Variants in JAK2 observed in about 807,000 individuals in gnomAD.
JAK2 encodes the protein tyrosine-protein kinase JAK2.
In JAK2, 86 loss-of-function variants were observed where a neutral mutation model predicts 139.3. That is an observed-to-expected ratio of 0.62 (90% confidence interval 0.52 to 0.74). The LOEUF (loss-of-function observed/expected upper bound fraction) is 0.74, where lower values mean the gene tolerates loss of function less well. Among genes scored for constraint, JAK2 ranks in the 30% least tolerant of loss-of-function variants. The pLI is 0.00. For missense variants in JAK2, 1,421 were observed against 1,360.3 expected (o/e 1.04, Z -0.70); for synonymous variants, 490 against 437.7 (o/e 1.12, Z -1.49).
At chr9:5,069,475 C>G (rs1446251017) in intron 11 of JAK2, among the ~76,000 whole-genome samples, 2 of 152,012 alleles carry the variant, frequency 1.3e-5, no homozygotes, top group Non-Finnish European at 2.9e-5. Flanking sequence ...TGGAAGATCT[C>G]ACTACTAAAT....
rs1264054582 is a variant in JAK2 at position 5,128,819 on chromosome 9, G to GGTAA, written c.*2033_*2036dup. On this transcript the variant is annotated 3_prime_UTR_variant, in exon 25 of 25. Coordinates refer to ENST00000381652, the MANE Select transcript of JAK2 (RefSeq NM_004972.4). ...TTAAGTTGGTTCTGTACAAGAAACA[G>GGTAA]GTAAGTAATTATTGTACCAGTTAAT... Among the ~76,000 whole-genome samples, 3 of 151,860 alleles carry GGTAA rather than the reference G, an allele frequency of 2.0e-5. No homozygotes were observed. The highest frequency in any genetic ancestry group is 4.4e-5 in the Non-Finnish European group (3 of 67,828).
chr9:4,992,237 TG>T (rs946848763), intron 2 of JAK2, among the ~76,000 whole-genome samples: 1 of 152,194 alleles, frequency 6.6e-6, no homozygotes, highest in African/African-American at 2.4e-5. Context: ...ACATGTGGCC[TG>T]GATTTCCTCA....
chr9:5,041,311 C>A, intron 4 of JAK2: 1 of 789,170 alleles, frequency 1.3e-6, no homozygotes, highest in Non-Finnish European at 2.1e-6. Flanking sequence ...AGAAGCACAT[C>A]CCGTGCAGCC....
chr9:5,041,777 G>A (rs998634982), intron 4 of JAK2: 10 of 488,000 alleles, frequency 2.0e-5, no homozygotes, highest in Non-Finnish European at 3.7e-5. Flanking sequence ...TGCCCTCCCA[G>A]CCTCAGCTTC....
intron 2 of JAK2, among the ~76,000 whole-genome samples, chr9:4,993,252 G>T (rs1003393590): frequency 1.3e-5 from 2 of 152,114 alleles, no homozygotes; most frequent in African/African-American, 4.8e-5. Flanking sequence ...ATAATATTTC[G>T]TCTGAAAGGA....
At chr9:5,119,595 A>G (rs1337728187) in intron 22 of JAK2, among the ~76,000 whole-genome samples, 3 of 152,188 alleles carry the variant, frequency 2.0e-5, no homozygotes, top group African/African-American at 4.8e-5. Context: ...TTAATTTGCA[A>G]TAAATAATAC....
At chr9:5,063,058 A>C (rs1281818279) in intron 8 of JAK2, among the ~76,000 whole-genome samples, 1 of 152,076 alleles carries the variant, frequency 6.6e-6, no homozygotes, top group Non-Finnish European at 1.5e-5. Context: ...GTGTTAGCTA[A>C]ATACCTTTTA....
Position 5,054,765 on chromosome 9 carries a change from A to G in JAK2, c.817A>G (p.Lys273Glu). Residue 273 changes from lysine to glutamate, a missense_variant, in exon 7 of 25, where the codon AAA (lysine) becomes GAA (glutamate). Physicochemically the swap from Lys to Glu is moderately conservative, Grantham distance 56. Transcript: ENST00000381652. The surrounding 1 kb of genome is among the most constrained non-coding windows in gnomAD (Gnocchi z 4.9). ...CTTCTACACAGAGAAATTTGAAGTA[A>G]AAGAACCTGGAAGTGGTCCTTCAGG... ...SAFYTEKFEV[K>E]EPGSGPSGEE... is the part of the protein sequence containing the mutation. 1 of 1,613,286 alleles carries G rather than the reference A, an allele frequency of 6.2e-7. No individual in the cohort carries two copies. The highest frequency in any genetic ancestry group is 8.5e-7 in the Non-Finnish European group (1 of 1,179,370).
intron 22 of JAK2, among the ~76,000 whole-genome samples, chr9:5,119,161 C>G (rs1193885756): frequency 6.6e-6 from 1 of 152,064 alleles, no homozygotes; most frequent in Non-Finnish European, 1.5e-5. Context: ...TTCATACAAC[C>G]CATTTGGTAA....
intron 14 of JAK2, among the ~76,000 whole-genome samples, chr9:5,076,852 T>C: frequency 6.6e-6 from 1 of 152,202 alleles, no homozygotes; most frequent in African/African-American, 2.4e-5. Context: ...TATGGAGGTA[T>C]CTGAGAGGCT....
At chr9:5,003,193 G>C (rs916875556) in intron 2 of JAK2, among the ~76,000 whole-genome samples, 1 of 151,726 alleles carries the variant, frequency 6.6e-6, no homozygotes, top group African/African-American at 2.4e-5. Flanking sequence ...GATTGTTTTG[G>C]CTATTGTAAA....
rs746150275 is a variant in JAK2, at chr9:5,072,494, T to C, written c.1644T>C (p.Asn548=). 1 of 1,557,908 alleles carries C rather than the reference T, an allele frequency of 6.4e-7. No homozygotes were observed. Among genetic ancestry groups the C allele is most frequent in the Non-Finnish European group, 8.7e-7 (1 of 1,150,206 alleles). The part of the protein sequence containing the change: ...HKIRNEDLIF[N]ESLGQGTFTK... Reference sequence around the variant, plus strand: ...TCTTTTACCTTTTTCTCTTGAAGAATGAAAGCCTTGGCCAAGGCACTTTTA... The same window carrying C: ...TCTTTTACCTTTTTCTCTTGAAGAACGAAAGCCTTGGCCAAGGCACTTTTA... Residue 548 remains asparagine, a splice_region_variant and synonymous_variant, in exon 13 of 25, where the codon AAT becomes AAC. Coordinates refer to ENST00000381652, the MANE Select transcript of JAK2 (RefSeq NM_004972.4).
Position 5,129,765 on chromosome 9 carries a change from G to C in JAK2, c.*2974G>C, listed in dbSNP as rs1326454538. On this transcript the variant is annotated 3_prime_UTR_variant, in exon 25 of 25. Coordinates refer to ENST00000381652, the MANE Select transcript of JAK2 (RefSeq NM_004972.4). ...TCACAGTGATATTAGATTTCAAAAT[G>C]ACACTGAGAGAACTGAAAAACTACA... is the stretch of plus-strand genomic sequence containing the variant. 6.6e-6 allele frequency among the ~76,000 whole-genome samples: 1 copy of C among 152,112 alleles called. No individual in the cohort carries two copies. Among genetic ancestry groups the C allele is most frequent in the African/African-American group, 2.4e-5 (1 of 41,434 alleles).
At chr9:5,062,143 C>T (rs1011831812) in intron 8 of JAK2, among the ~76,000 whole-genome samples, 3 of 151,850 alleles carry the variant, frequency 2.0e-5, no homozygotes, top group African/African-American at 7.3e-5. Context: ...TTTTTTTCAG[C>T]CAAACATGGA....
intron 2 of JAK2, among the ~76,000 whole-genome samples, chr9:5,013,562 A>C (rs557154310): frequency 2.0e-5 from 3 of 152,306 alleles, no homozygotes; most frequent in African/African-American, 7.2e-5. Context: ...ACTTGTCTCT[A>C]CTTTGTTCCA....
chr9:5,094,128 T>C, intron 22 of JAK2: 1 of 152,162 alleles, frequency 6.6e-6, no homozygotes, highest in East Asian at 1.9e-4. Context: ...TTCCTACTTA[T>C]ATTCCCACTC....
At chr9:5,109,744 T>C (rs1350203072) in intron 22 of JAK2, 1 of 152,202 alleles carries the variant, frequency 6.6e-6, no homozygotes, top group African/African-American at 2.4e-5. Flanking sequence ...CTCCATAATA[T>C]TTATTCTAGT....
intron 4 of JAK2, among the ~76,000 whole-genome samples, chr9:5,031,583 G>C (rs1048912066): frequency 2.0e-5 from 3 of 152,158 alleles, no homozygotes; most frequent in African/African-American, 7.2e-5. Flanking sequence ...TTAAAGATCA[G>C]ATTGATATGT....
At chr9:5,069,744 A>C (rs1818819841) in intron 11 of JAK2, among the ~76,000 whole-genome samples, 181 bp from the exon 12 acceptor site, 1 of 152,156 alleles carries the variant, frequency 6.6e-6, no homozygotes, top group Non-Finnish European at 1.5e-5. Flanking sequence ...TGAAGTAACT[A>C]AGAAGAAATA....
Sources: gnomAD v4.1 joint callset for allele counts (sites outside exome capture counted in the v4.1 genomes callset) on GRCh38, gnomAD v4.1.1 for gene constraint, Gnocchi (gnomAD v3.1) non-coding constraint, MANE v1.5 for transcripts, NCBI Gene and HGNC (gene_info 2026-07-23, HGNC 2026-07-21) for gene names.